The following DNAH3 variants were observed in gnomAD, a reference collection of about 807,000 sequenced individuals.
DNAH3 encodes axonemal beta dynein heavy chain 3.
Under a neutral mutation model 432.5 loss-of-function variants are expected in DNAH3, and 332 were observed. The ratio of observed to expected loss-of-function variants is 0.77; its 90% CI spans 0.70 to 0.84. DNAH3 has a LOEUF of 0.84. Among genes scored for constraint, DNAH3 ranks in the 40% least tolerant of loss-of-function variants. The pLI is 0.00. For synonymous variants in DNAH3, 1,956 were observed against 1,900.2 expected, an observed-to-expected ratio of 1.03 and a Z score of -0.76; for missense variants, 4,861 against 5,114.0, an observed-to-expected ratio of 0.95 and a Z score of 1.51.
intron 1 of DNAH3, 140 bp from the exon 3 acceptor site, chr16:21,146,228 C>G (rs1225950670): frequency 1.7e-6 from 1 of 604,652 alleles, no homozygotes; most frequent in East Asian, 2.8e-5. Context: ...TCCTCTCATT[C>G]CCATCCATTA....
intron 1 of DNAH3, among the ~76,000 whole-genome samples, chr16:21,157,431 G>A (rs1169046068): frequency 1.3e-5 from 2 of 149,596 alleles, no homozygotes; most frequent in East Asian, 3.9e-4. Context: ...CCAGGTTCAA[G>A]CGATACTTCT....
At chr16:20,934,142 C>A (rs964620170) in intron 61 of DNAH3, among the ~76,000 whole-genome samples, 50 of 152,082 alleles carry the variant, frequency 3.3e-4, no homozygotes, top group African/African-American at 1.2e-3. Flanking sequence ...TTATGGTGAA[C>A]CAGAGAGCAC....
exon 28 of DNAH3, chr16:21,054,474 G>T: frequency 6.2e-7 from 1 of 1,614,192 alleles, no homozygotes; most frequent in Non-Finnish European, 8.5e-7. Flanking sequence ...CCACTGCTCA[G>T]CTTCCCTCGC....
At chr16:21,131,497 A>AAAG (rs1567846251) in intron 7 of DNAH3, among the ~76,000 whole-genome samples, 1,479 of 145,202 alleles carry the variant, frequency 0.01, 22 homozygotes, top group African/African-American at 0.035. Context: ...AGAAAGAGAG[A>AAAG]TGAGAGAGAA....
At chr16:21,092,753 T>C (rs1318507811) in intron 18 of DNAH3, among the ~76,000 whole-genome samples, 3 of 55,426 alleles carry the variant, frequency 5.4e-5, no homozygotes, top group Non-Finnish European at 1.2e-4. Flanking sequence ...TATCTAAATA[T>C]ACAAAGAATT....
chr16:20,988,895 G>T (rs1303854210), intron 44 of DNAH3, among the ~76,000 whole-genome samples: 1 of 152,160 alleles, frequency 6.6e-6, no homozygotes, highest in Non-Finnish European at 1.5e-5. Flanking sequence ...GACCTTCGCG[G>T]TGAGTGTTAC....
intron 59 of DNAH3, among the ~76,000 whole-genome samples, chr16:20,938,030 GA>G (rs1262096261): frequency 6.6e-6 from 1 of 152,130 alleles, no homozygotes; most frequent in East Asian, 1.9e-4. Context: ...AATCTCAACT[GA>G]ATGGACATGA....
chr16:20,969,086 CTG>C (rs56928155), intron 52 of DNAH3, among the ~76,000 whole-genome samples: 36,120 of 146,090 alleles, frequency 0.25, 4,478 homozygotes, highest in African/African-American at 0.27. Flanking sequence ...TTTTCTTTCT[CTG>C]TGTGTGTGTG....
At chr16:20,975,395 T>C in exon 51 of DNAH3, 1 of 1,614,138 alleles carries the variant, frequency 6.2e-7, no homozygotes. Context: ...GAGCTGTCAG[T>C]TCTCTTTGCA....
At chr16:21,100,484 A>C (rs947181352) in intron 16 of DNAH3, among the ~76,000 whole-genome samples, 1 of 152,154 alleles carries the variant, frequency 6.6e-6, no homozygotes, top group African/African-American at 2.4e-5. Flanking sequence ...TCATTCATTC[A>C]CTCATTAAAA....
At chr16:21,108,405 G>A (rs2091995131) in intron 14 of DNAH3, among the ~76,000 whole-genome samples, 1 of 152,178 alleles carries the variant, frequency 6.6e-6, no homozygotes, top group African/African-American at 2.4e-5. Flanking sequence ...ACAAATGGAT[G>A]ATTGCTTAAG....
intron 5 of DNAH3, 143 bp downstream of exon 6, chr16:21,140,393 T>C (rs1367763261): frequency 3.7e-6 from 3 of 806,904 alleles, no homozygotes; most frequent in Non-Finnish European, 5.9e-6. Flanking sequence ...ATGCGCCCTC[T>C]TCAGTAGCCT....
chr16:21,049,602 T>TG lies in DNAH3; in HGVS notation c.4427dup (p.Trp1477MetfsTer5), dbSNP rs764617547. 1 of 1,614,158 alleles carries TG rather than the reference T, an allele frequency of 6.2e-7. No homozygotes were observed. Among genetic ancestry groups the TG allele is most frequent in the South Asian group, 1.1e-5 (1 of 91,084 alleles). ...TGTTGAACTCATCAAAGCACGCCCA[T>TG]GCTCCAGCCTGTGCCAGCCCCTTGA... On this transcript the variant is annotated frameshift_variant, in exon 31 of 62. Coordinates refer to ENST00000261383, the Ensembl canonical transcript of DNAH3. LOFTEE classifies it high-confidence loss of function.
chr16:20,982,361 G>A (rs2085950780), intron 49 of DNAH3, among the ~76,000 whole-genome samples: 1 of 152,084 alleles, frequency 6.6e-6, no homozygotes, highest in African/African-American at 2.4e-5. Flanking sequence ...ACTCCAGCCT[G>A]GGGGATAGAG....
At chr16:21,076,637 T>A (rs952821679) in intron 20 of DNAH3, among the ~76,000 whole-genome samples, 3 of 152,154 alleles carry the variant, frequency 2.0e-5, no homozygotes, top group Non-Finnish European at 4.4e-5. Context: ...GATTCCAGTC[T>A]ACCTGACTCA....
rs551221124 is a variant in DNAH3, at chr16:21,027,817, C to G, written c.5440-690G>C. 5.9e-5 allele frequency among the ~76,000 whole-genome samples: 9 copies of G among 152,352 alleles called. No homozygotes were observed. The South Asian group carries it at 1.9e-3, about 32-fold the overall frequency. On this transcript the variant is annotated intron_variant, in intron 37 of 61. Coordinates refer to ENST00000261383, the Ensembl canonical transcript of DNAH3. ...GATGAAGAATCGAGAAGTTATCAGA[C>G]CTCACCAAGTTTCCTGGTCCCTTTC...
chr16:20,943,627 A>G (rs1323905392), intron 58 of DNAH3, among the ~76,000 whole-genome samples: 2 of 152,186 alleles, frequency 1.3e-5, no homozygotes. Flanking sequence ...CCTTTTAACA[A>G]GAAGCCAGCA....
At chr16:21,108,958 C>T (rs1271476141) in intron 14 of DNAH3, among the ~76,000 whole-genome samples, 1 of 151,192 alleles carries the variant, frequency 6.6e-6, no homozygotes, top group Non-Finnish European at 1.5e-5. Context: ...CCTGTCTCTA[C>T]TAAAAATACA....
chr16:20,965,948 T>C (rs1297088326), intron 52 of DNAH3, among the ~76,000 whole-genome samples: 1 of 148,514 alleles, frequency 6.7e-6, no homozygotes, highest in African/African-American at 2.5e-5. Flanking sequence ...CCTGACCTCA[T>C]GTGATCTGCC....
Sources: allele counts gnomAD v4.1 joint callset (sites outside exome capture counted in the v4.1 genomes callset), GRCh38; gene constraint gnomAD v4.1.1; transcripts MANE v1.5; gene names NCBI Gene and HGNC (gene_info 2026-07-23, HGNC 2026-07-21).